The following HRAS variants were observed in gnomAD, a reference collection of about 807,000 sequenced individuals.
HRAS encodes HRas proto-oncogene, GTPase, also known as GTPase HRas.
A neutral mutation model predicts 19.8 loss-of-function variants in HRAS; 11 were observed. The observed-to-expected ratio is 0.55, with a 90% CI of 0.35 to 0.92. The LOEUF (loss-of-function observed/expected upper bound fraction) is 0.92, where lower values mean the gene tolerates loss of function less well. HRAS is among the 40% of genes least tolerant of loss of function. The pLI is 0.01. For missense variants in HRAS, 204 were observed against 255.9 expected (o/e 0.80, Z 1.38); for synonymous variants, 149 against 105.5 (o/e 1.41, Z -2.52).
intron 4 of HRAS, 36 bp from the exon 5 acceptor site, chr11:532,791 C>T (rs373603273): frequency 3.3e-5 from 53 of 1,602,900 alleles, no homozygotes; most frequent in Non-Finnish European, 4.3e-5. Context: ...AGGGACCGGC[C>T]TGTGGCCGCC....
intron 4 of HRAS, 60 bp from the exon 5 acceptor site, chr11:532,815 G>T (rs201448785): frequency 6.5e-7 from 1 of 1,549,438 alleles, no homozygotes; most frequent in Non-Finnish European, 8.9e-7. Flanking sequence ...CTGGGTGAGG[G>T]GCTCCCTGCT....
At chr11:534,184 G>A (rs753984677) in intron 2 of HRAS, 28 bp downstream of exon 2, 2 of 1,556,408 alleles carry the variant, frequency 1.3e-6, no homozygotes, top group East Asian at 2.2e-5. Context: ...AGCAGCTGCT[G>A]GCACCTGGAC....
In HRAS at chr11:533,664, T is replaced by A. The variant is rs143771550; in HGVS notation, c.291-52A>T. 4.3e-5 allele frequency: 69 copies of A among 1,612,704 alleles called. 1 individual carries two copies. The highest frequency in any genetic ancestry group is 2.2e-4 in the South Asian group (20 of 91,068). On this transcript the variant is annotated intron_variant, in intron 3 of 5. Transcript: ENST00000311189. ...TACGGGGGCTGCAGGCGCAGCGGCA[T>A]CCAGGACATGCGCAGAGAGGACAGG...
Position 532,722 on chromosome 11 carries a change from C to T in HRAS, c.484G>A (p.Glu162Lys), listed in dbSNP as rs1564787942. ...TTCCGCAGCTTGTGCTGCCGGATCT[C>T]ACGCACCAACGTGTAGAAGGCATCC... ...VEDAFYTLVR[E>K]IRQHKLRKLN... The change falls in exon 5 of 6, where the codon GAG becomes AAG. Residue 162 changes from glutamate to lysine, a missense_variant. By Grantham distance (56) the Glu-to-Lys change is moderately conservative. This residue lies in a region of HRAS where 142 missense variants were observed against 141.1 expected (regional missense o/e 1.01). Transcript: ENST00000311189. 1.9e-6 allele frequency: 3 copies of T among 1,613,150 alleles called. No homozygotes were observed. Among genetic ancestry groups the T allele is most frequent in the Non-Finnish European group, 2.5e-6 (3 of 1,180,012 alleles).
At chr11:532,549 G>C in intron 5 of HRAS, 27 bp from the exon 6 acceptor site, 2 of 1,550,500 alleles carry the variant, frequency 1.3e-6, no homozygotes, top group Non-Finnish European at 1.7e-6. Context: ...GGAGGCTGCT[G>C]ACCGCAGGCC....
rs779917193 is a variant in HRAS, at chr11:533,628, C to T, written c.291-16G>A. On this transcript the variant is annotated splice_polypyrimidine_tract_variant and intron_variant, in intron 3 of 5. Transcript: ENST00000311189. ...GATCTGCTCCCTGAGAGGTGGAAAG[C>T]GAGAGCTGGCTACGGGGGCTGCAGG... is the stretch of plus-strand genomic sequence containing the variant. 4.3e-6 allele frequency: 7 copies of T among 1,613,494 alleles called. No individual in the cohort carries two copies. Among genetic ancestry groups the T allele is most frequent in the Admixed American group, 1.7e-5 (1 of 59,998 alleles).
chr11:534,420 G>A, intron 1 of HRAS, 45 bp from the exon 2 acceptor site: 1 of 798,178 alleles, frequency 1.3e-6, no homozygotes, highest in South Asian at 1.6e-5. Flanking sequence ...CCCAGCCCCA[G>A]GCCCCACAGG....
intron 1 of HRAS, 66 bp from the exon 2 acceptor site, chr11:534,441 G>A (rs1163900306): frequency 1.9e-5 from 15 of 801,288 alleles, no homozygotes; most frequent in Admixed American, 1.4e-4. Flanking sequence ...GCAGCTGCTG[G>A]CAGGGCCATC....
At position 532,281 on chromosome 11, in the gene HRAS, C is replaced by T; in HGVS notation, c.*247G>A. ...TAATTTACTGTGATCCCATCTGTGC[C>T]CGACAAGGGCCCACAGAGGCCTGGG... is the stretch of plus-strand genomic sequence containing the variant. On this transcript the variant is annotated 3_prime_UTR_variant, in exon 6 of 6. Coordinates refer to ENST00000311189, the MANE Select transcript of HRAS (RefSeq NM_005343.4). The T allele has an allele frequency of 2.2e-6, 1 of 460,602 alleles. No homozygotes were observed. Among genetic ancestry groups the T allele is most frequent in the South Asian group, 2.4e-5 (1 of 42,130 alleles). 28.5% of individuals were successfully genotyped at this position (460,602 alleles called of 1,614,324 possible).
chr11:532,538 G>C lies in HRAS; in HGVS notation c.*6-16C>G. 6.6e-7 allele frequency: 1 copy of C among 1,520,728 alleles called. No homozygotes were observed. Among genetic ancestry groups the C allele is most frequent in the Non-Finnish European group, 8.9e-7 (1 of 1,129,806 alleles). The allele number at this position is 1,520,728 out of a possible 1,614,324, so 94.2% of individuals were successfully genotyped here. A position where few individuals can be genotyped will look rare whatever the true frequency, so the allele number is the denominator to read the frequency against. On this transcript the variant is annotated splice_polypyrimidine_tract_variant and intron_variant, in intron 5 of 5. Coordinates refer to ENST00000311189, the MANE Select transcript of HRAS (RefSeq NM_005343.4). ...TGAGCTTGTGCTGGGCGGGGCACAA[G>C]GGAGGCTGCTGACCGCAGGCCAGGA...
At chr11:532,575 G>C in intron 5 of HRAS, 53 bp from the exon 6 acceptor site, 1 of 1,577,422 alleles carries the variant, frequency 6.3e-7, no homozygotes, top group Non-Finnish European at 8.6e-7. Flanking sequence ...ACCGGCAGGG[G>C]CGGGGAGCCG....
At chr11:534,559 G>T in intron 1 of HRAS, 184 bp from the exon 2 acceptor site, 2 of 588,350 alleles carry the variant, frequency 3.4e-6, no homozygotes, top group Admixed American at 6.0e-5. Context: ...CTGTCGCCTC[G>T]CCCCCACTTG....
In HRAS at chr11:532,666, G is replaced by A. The variant is rs976055009; in HGVS notation, c.540C>T (p.Gly180=). 3 of 1,612,890 alleles carry A rather than the reference G, an allele frequency of 1.9e-6. No individual in the cohort carries two copies. The highest frequency in any genetic ancestry group is 1.7e-5 in the Admixed American group (1 of 60,024). The change falls in exon 5 of 6, where the codon GGC becomes GGT. Residue 180 remains glycine, a synonymous_variant. Coordinates refer to ENST00000311189, the MANE Select transcript of HRAS (RefSeq NM_005343.4). ...KLNPPDESGP[G]CMSCKCVLS is the part of the protein sequence containing the mutation. ...AGAGCACACACTTGCAGCTCATGCAGCCGGGGCCACTCTCATCAGGAGGGT... is the reference window on the plus strand; with the variant it reads ...AGAGCACACACTTGCAGCTCATGCAACCGGGGCCACTCTCATCAGGAGGGT...
At position 534,943 on chromosome 11, in the gene HRAS, C is replaced by T. The variant is rs942807127; in HGVS notation, c.-54+473G>A. Among the ~76,000 whole-genome samples, 2 of 152,240 alleles carry T rather than the reference C, an allele frequency of 1.3e-5. 1 individual carries two copies. Among genetic ancestry groups the T allele is most frequent in the Non-Finnish European group, 2.9e-5 (2 of 68,038 alleles). ...AAAGCTGGAGAAGACAGAGGAGCTC[C>T]TGGGAAGCAGGGACTGAGCGACAGG... On this transcript the variant is annotated intron_variant, in intron 1 of 5. Coordinates refer to ENST00000311189, the MANE Select transcript of HRAS (RefSeq NM_005343.4).
intron 4 of HRAS, 126 bp downstream of exon 4, chr11:533,327 C>G (rs1851223560): frequency 6.2e-7 from 1 of 1,604,194 alleles, no homozygotes; most frequent in Non-Finnish European, 8.5e-7. Flanking sequence ...CCAGAGGGTC[C>G]CGGAGCTGGA....
rs1554885658 is a variant in HRAS, at chr11:535,467, C to CGGGGCG, written c.-111_-106dup. 1.8e-4 allele frequency: 26 copies of CGGGGCG among 147,182 alleles called. No homozygotes were observed. In the South Asian group the frequency reaches 2.4e-3, roughly 13 times the overall value. The allele number at this position is 147,182 out of a possible 1,614,324, so 9.1% of individuals were successfully genotyped here. The stretch of plus-strand genomic sequence containing the variant: ...GCCAGGGCCGGGGCCGAGGCCGGGG[C>CGGGGCG]GGGGCGGGGGCGGGGGCGCGCGGTT... On this transcript the variant is annotated 5_prime_UTR_variant, in exon 1 of 6. Coordinates refer to ENST00000311189, the MANE Select transcript of HRAS (RefSeq NM_005343.4).
rs555003032 is a variant in HRAS at position 534,412 on chromosome 11, C to T, written c.-53-37G>A. The T allele has an allele frequency of 1.8e-3, 872 of 494,056 alleles. 3 individuals carry two copies. In the African/African-American group the frequency reaches 0.025, roughly 14 times the overall value. The allele number at this position is 494,056 out of a possible 1,614,324, so 30.6% of individuals were successfully genotyped here. A position where few individuals can be genotyped will look rare whatever the true frequency, so the allele number is the denominator to read the frequency against. The stretch of plus-strand genomic sequence containing the variant: ...GGCCCTGCTCAGCCAGGCCCAGGCC[C>T]AGCCCCAGGCCCCACAGGGCAGCTG... On this transcript the variant is annotated intron_variant, in intron 1 of 5. Coordinates refer to ENST00000311189, the MANE Select transcript of HRAS (RefSeq NM_005343.4).
Position 533,584 on chromosome 11 carries a change from C to CCATGGTCCTTCACGTCAAA in HRAS, c.318_319insTTTGACGTGAAGGACCATG (p.Asp107PhefsTer8). 6.2e-7 allele frequency: 1 copy of CCATGGTCCTTCACGTCAAA among 1,613,888 alleles called. No individual in the cohort carries two copies. The highest frequency in any genetic ancestry group is 1.1e-5 in the South Asian group (1 of 91,088). Reference sequence around the variant, plus strand: ...CCCACCAGCACCATGGGCACGTCATCCGAGTCCTTCACCCGTTTGATCTGC... The same window carrying CCATGGTCCTTCACGTCAAA: ...CCCACCAGCACCATGGGCACGTCATCCATGGTCCTTCACGTCAAACGAGTCCTTCACCCGTTTGATCTGC... On this transcript the variant is annotated frameshift_variant, in exon 4 of 6. Coordinates refer to ENST00000311189, the MANE Select transcript of HRAS (RefSeq NM_005343.4). LOFTEE classifies it high-confidence loss of function.
Position 535,511 on chromosome 11 carries a change from C to T in HRAS, c.-149G>A, listed in dbSNP as rs952663179. 6 of 147,902 alleles carry T rather than the reference C, an allele frequency of 4.1e-5. No individual in the cohort carries two copies. Among genetic ancestry groups the T allele is most frequent in the African/African-American group, 7.3e-5 (3 of 40,922 alleles). 9.2% of individuals were successfully genotyped at this position (147,902 alleles called of 1,614,324 possible). A position where few individuals can be genotyped will look rare whatever the true frequency, so the allele number is the denominator to read the frequency against. On this transcript the variant is annotated 5_prime_UTR_variant, in exon 1 of 6. Transcript: ENST00000311189. ...CGCGGTTCGCCCCGCGCATGGGCTC[C>T]GTCCGCGGCGGGTGCGGCTCGGGTT...
Sources: allele counts gnomAD v4.1 joint callset (sites outside exome capture counted in the v4.1 genomes callset), GRCh38; gene constraint gnomAD v4.1.1; regional missense constraint gnomAD v4.1.1; transcripts MANE v1.5; gene names NCBI Gene and HGNC (gene_info 2026-07-23, HGNC 2026-07-21).